Variants in SPAG16 observed in about 807,000 individuals in gnomAD.
SPAG16 encodes the protein sperm associated antigen 16, also known as sperm-associated antigen 16 protein.
A neutral mutation model predicts 80.4 loss-of-function variants in SPAG16; 86 were observed. That is an observed-to-expected ratio of 1.07 (90% confidence interval 0.90 to 1.28). The LOEUF is 1.28. SPAG16 is among the 50% of genes most tolerant of loss of function. SPAG16 has a pLI of 0.00. For missense variants in SPAG16, 870 were observed against 765.3 expected (o/e 1.14, Z -1.61); for synonymous variants, 294 against 265.9 (o/e 1.11, Z -1.03).
At chr2:214,406,631 T>A (rs1000976412) in intron 15 of SPAG16, among the ~76,000 whole-genome samples, 2 of 152,162 alleles carry the variant, frequency 1.3e-5, no homozygotes, top group African/African-American at 4.8e-5. Context: ...AAGAAAGTTA[T>A]AAATTTATTT....
chr2:214,185,170 T>C (rs2057429026), intron 15 of SPAG16, among the ~76,000 whole-genome samples: 1 of 152,064 alleles, frequency 6.6e-6, no homozygotes, highest in South Asian at 2.1e-4. Flanking sequence ...GCTCACTGCT[T>C]TCTAAGCACA....
At chr2:214,399,454 C>G (rs1701587071) in intron 15 of SPAG16, among the ~76,000 whole-genome samples, 1 of 152,006 alleles carries the variant, frequency 6.6e-6, no homozygotes, top group Admixed American at 6.6e-5. Context: ...CAATTCACCA[C>G]CTGAACATTA....
intron 12 of SPAG16, among the ~76,000 whole-genome samples, chr2:213,990,155 T>A (rs1458158924): frequency 6.6e-6 from 1 of 152,114 alleles, no homozygotes; most frequent in African/African-American, 2.4e-5. Context: ...TAATTAGAAA[T>A]GTATGTGGTT....
intron 15 of SPAG16, among the ~76,000 whole-genome samples, chr2:214,333,794 T>A (rs1476551342): frequency 6.6e-6 from 1 of 152,116 alleles, no homozygotes; most frequent in Non-Finnish European, 1.5e-5. Context: ...GGGCTTTGAA[T>A]GGGAAGAAAA....
At chr2:214,404,800 A>G (rs1458803365) in intron 15 of SPAG16, among the ~76,000 whole-genome samples, 15 of 152,162 alleles carry the variant, frequency 9.9e-5, no homozygotes, top group Non-Finnish European at 2.2e-4. Flanking sequence ...CATAATAGAA[A>G]TGGTAGAACC....
At chr2:214,322,551 T>C (rs1696175724) in intron 15 of SPAG16, among the ~76,000 whole-genome samples, 1 of 151,560 alleles carries the variant, frequency 6.6e-6, no homozygotes, top group African/African-American at 2.4e-5. Flanking sequence ...GCAAAATGTA[T>C]TGCCAAAAAA....
chr2:214,279,561 G>C (rs562310551), intron 15 of SPAG16, among the ~76,000 whole-genome samples: 1 of 152,236 alleles, frequency 6.6e-6, no homozygotes, highest in South Asian at 2.1e-4. Flanking sequence ...GGACAGCAAG[G>C]CTTTTGGAAT....
chr2:214,100,839 G>A (rs1316142745), intron 13 of SPAG16, among the ~76,000 whole-genome samples: 2 of 151,986 alleles, frequency 1.3e-5, no homozygotes, highest in Non-Finnish European at 2.9e-5. Context: ...TATTAATAGT[G>A]CTGCAGTGAA....
chr2:213,950,128 A>G (rs1174857660), intron 12 of SPAG16, among the ~76,000 whole-genome samples: 2 of 152,206 alleles, frequency 1.3e-5, no homozygotes, highest in Non-Finnish European at 2.9e-5. Flanking sequence ...AACTGTTAAT[A>G]TATTCTAGCT....
intron 11 of SPAG16, among the ~76,000 whole-genome samples, chr2:213,890,445 T>A (rs2076742445): frequency 6.6e-6 from 1 of 152,112 alleles, no homozygotes; most frequent in Non-Finnish European, 1.5e-5. Context: ...TATATTTTGT[T>A]ATTAGTAAAT....
chr2:213,580,299 A>G (rs902307579), intron 10 of SPAG16, among the ~76,000 whole-genome samples: 1 of 152,142 alleles, frequency 6.6e-6, no homozygotes, highest in Non-Finnish European at 1.5e-5. Context: ...TCATCAAACT[A>G]AGAATAATAT....
chr2:214,112,967 T>C (rs929178030), intron 14 of SPAG16, among the ~76,000 whole-genome samples: 1 of 152,216 alleles, frequency 6.6e-6, no homozygotes, highest in African/African-American at 2.4e-5. Flanking sequence ...TACTGGTTGT[T>C]CCTTTCTATG....
chr2:213,819,522 A>G (rs1327594566), intron 10 of SPAG16, among the ~76,000 whole-genome samples: 2 of 152,178 alleles, frequency 1.3e-5, no homozygotes, highest in Non-Finnish European at 2.9e-5. Flanking sequence ...TTGTGAGAGT[A>G]AAGGAATAAA....
chr2:214,129,625 GTA>G (rs890405395), intron 14 of SPAG16, among the ~76,000 whole-genome samples: 1 of 152,094 alleles, frequency 6.6e-6, no homozygotes, highest in African/African-American at 2.4e-5. Context: ...AAAGTTGGCA[GTA>G]TGTTTGAAGA....
At chr2:214,264,166 C>G (rs950932538) in intron 15 of SPAG16, among the ~76,000 whole-genome samples, 1 of 152,196 alleles carries the variant, frequency 6.6e-6, no homozygotes, top group African/African-American at 2.4e-5. Context: ...TGCCCTAAAT[C>G]CATACTCCTC....
At chr2:214,397,367 C>G (rs575266559) in intron 15 of SPAG16, among the ~76,000 whole-genome samples, 3 of 152,116 alleles carry the variant, frequency 2.0e-5, no homozygotes, top group Admixed American at 1.3e-4. Flanking sequence ...GCCACGTTGG[C>G]CAGGATGGTC....
At chr2:213,500,175 T>C (rs1413535751) in intron 10 of SPAG16, among the ~76,000 whole-genome samples, 1 of 152,172 alleles carries the variant, frequency 6.6e-6, no homozygotes, top group African/African-American at 2.4e-5. Flanking sequence ...AATGCTTTCA[T>C]GGGGAAACTC....
At chr2:213,436,103 G>T (rs1480413230) in intron 9 of SPAG16, among the ~76,000 whole-genome samples, 3 of 152,186 alleles carry the variant, frequency 2.0e-5, no homozygotes, top group Non-Finnish European at 4.4e-5. Context: ...CATTGGGCTT[G>T]CAGTCAGAAG....
intron 10 of SPAG16, among the ~76,000 whole-genome samples, chr2:213,596,200 A>T (rs889557599): frequency 6.6e-6 from 1 of 152,176 alleles, no homozygotes; most frequent in Non-Finnish European, 1.5e-5. Flanking sequence ...AAATGAATTG[A>T]TTGAAAGCAG....
Sources: gnomAD v4.1 joint callset for allele counts (sites outside exome capture counted in the v4.1 genomes callset) on GRCh38, gnomAD v4.1.1 for gene constraint, MANE v1.5 for transcripts, NCBI Gene and HGNC (gene_info 2026-07-23, HGNC 2026-07-21) for gene names.